CSMD1: variants seen among roughly 807,000 people sequenced by gnomAD.
The protein encoded by CSMD1 is CUB and sushi domain-containing protein 1.
CSMD1 carries 213 observed loss-of-function variants against 417.5 expected under a neutral mutation model. That is an observed-to-expected ratio of 0.51 (90% CI 0.46 to 0.57). CSMD1 has a LOEUF of 0.57. Among genes scored for constraint, CSMD1 ranks in the 20% least tolerant of loss-of-function variants. The pLI is 0.00. For missense variants in CSMD1, 6,923 were observed against 4,529.7 expected, an observed-to-expected ratio of 1.53 and a Z score of -15.17; for synonymous variants, 2,862 against 1,736.8, an observed-to-expected ratio of 1.65 and a Z score of -16.11.
At chr8:4,085,000 G>A (rs1437983039) in intron 3 of CSMD1, among the ~76,000 whole-genome samples, 4 of 150,374 alleles carry the variant, frequency 2.7e-5, no homozygotes, top group East Asian at 1.9e-4. Context: ...GCGTGACAGG[G>A]AATTTAGATT....
chr8:4,437,652 G>A (rs1798222421), intron 2 of CSMD1, among the ~76,000 whole-genome samples: 1 of 152,140 alleles, frequency 6.6e-6, no homozygotes, highest in Non-Finnish European at 1.5e-5. Flanking sequence ...GTCACACAAA[G>A]GAGTTCGTAG....
intron 2 of CSMD1, among the ~76,000 whole-genome samples, chr8:4,445,680 G>T (rs1011143716): frequency 4.6e-5 from 7 of 152,148 alleles, no homozygotes; most frequent in African/African-American, 1.4e-4. Flanking sequence ...ACATTACATT[G>T]TCACTTTCCC....
chr8:4,322,532 C>G (rs897292637), intron 3 of CSMD1, among the ~76,000 whole-genome samples: 1 of 152,092 alleles, frequency 6.6e-6, no homozygotes, highest in Non-Finnish European at 1.5e-5. Context: ...AAAAACATAA[C>G]ATTTGAGGTA....
chr8:3,962,905 C>G (rs1228699520), intron 5 of CSMD1, among the ~76,000 whole-genome samples: 2 of 152,082 alleles, frequency 1.3e-5, no homozygotes, highest in Admixed American at 6.6e-5. Flanking sequence ...ATCATTATGT[C>G]TATTTTTTCC....
At chr8:4,161,184 G>A (rs1797137513) in intron 3 of CSMD1, among the ~76,000 whole-genome samples, 1 of 151,786 alleles carries the variant, frequency 6.6e-6, no homozygotes, top group Admixed American at 6.6e-5. Context: ...TACTTGCAAT[G>A]TGCTACTTCC....
intron 27 of CSMD1, among the ~76,000 whole-genome samples, chr8:3,228,488 C>T (rs1232064632): frequency 3.3e-5 from 5 of 152,190 alleles, no homozygotes; most frequent in African/African-American, 9.6e-5. Flanking sequence ...GATTATTCAT[C>T]TGCCTGCAAG....
chr8:3,488,405 G>A (rs191390319), intron 11 of CSMD1, among the ~76,000 whole-genome samples: 1 of 152,094 alleles, frequency 6.6e-6, no homozygotes, highest in Non-Finnish European at 1.5e-5. Context: ...AGCATGCCTG[G>A]CCAATAACAT....
At chr8:3,792,146 T>TA (rs1373237877) in intron 5 of CSMD1, among the ~76,000 whole-genome samples, 5 of 152,046 alleles carry the variant, frequency 3.3e-5, no homozygotes, top group Non-Finnish European at 5.9e-5. Context: ...GTTGAACAAT[T>TA]AGCCAGGTGT....
chr8:3,617,220 G>C (rs754818725), intron 7 of CSMD1, among the ~76,000 whole-genome samples: 2 of 152,088 alleles, frequency 1.3e-5, no homozygotes, highest in Non-Finnish European at 1.5e-5. Flanking sequence ...CTATACAAAA[G>C]ATACTTTAAA....
chr8:3,689,216 C>T (rs938564751), intron 7 of CSMD1, among the ~76,000 whole-genome samples: 2 of 152,178 alleles, frequency 1.3e-5, no homozygotes, highest in Non-Finnish European at 2.9e-5. Context: ...CTACACACCT[C>T]CCCACCTTCT....
intron 10 of CSMD1, among the ~76,000 whole-genome samples, chr8:3,533,678 C>A (rs940207595): frequency 1.3e-5 from 2 of 152,188 alleles, no homozygotes; most frequent in Non-Finnish European, 2.9e-5. Flanking sequence ...ACTCCACTAA[C>A]ACTTATTTCA....
At chr8:3,911,668 T>C (rs1056160917) in intron 5 of CSMD1, among the ~76,000 whole-genome samples, 2 of 152,268 alleles carry the variant, frequency 1.3e-5, no homozygotes, top group South Asian at 2.1e-4. Context: ...TCACATGTCA[T>C]TGCTTGTCGG....
chr8:4,220,798 G>A (rs771303331), intron 3 of CSMD1, among the ~76,000 whole-genome samples: 6 of 152,178 alleles, frequency 3.9e-5, no homozygotes, highest in African/African-American at 7.2e-5. Flanking sequence ...ATAACGCACC[G>A]AACGCAGCTC....
chr8:4,837,714 T>C (rs978338095), intron 1 of CSMD1, among the ~76,000 whole-genome samples: 1 of 152,140 alleles, frequency 6.6e-6, no homozygotes, highest in African/African-American at 2.4e-5. Context: ...ACGGTGACTA[T>C]AGTCAGTAAT....
At chr8:4,127,204 G>T (rs572801148) in intron 3 of CSMD1, among the ~76,000 whole-genome samples, 1 of 151,820 alleles carries the variant, frequency 6.6e-6, no homozygotes, top group South Asian at 2.1e-4. Flanking sequence ...GTGGCTGTCC[G>T]GCCCCCTCCA....
intron 1 of CSMD1, among the ~76,000 whole-genome samples, chr8:4,663,240 G>C (rs1415152597): frequency 1.3e-5 from 2 of 152,180 alleles, no homozygotes; most frequent in African/African-American, 4.8e-5. Flanking sequence ...TTTTACTGCT[G>C]ACTTTTCATT....
At chr8:3,671,485 ATATATATG>A (rs1187278542) in intron 7 of CSMD1, among the ~76,000 whole-genome samples, 2 of 36,074 alleles carry the variant, frequency 5.5e-5, no homozygotes, top group Non-Finnish European at 1.0e-4. Context: ...ATATATACTC[ATATATATG>A]ATCATATATA....
intron 3 of CSMD1, among the ~76,000 whole-genome samples, chr8:4,183,114 T>C (rs1303622892): frequency 1.3e-5 from 2 of 152,198 alleles, no homozygotes; most frequent in Non-Finnish European, 2.9e-5. Flanking sequence ...AGAGATCATC[T>C]TTATGCAGTG....
chr8:4,191,971 G>C (rs190815038), intron 3 of CSMD1, among the ~76,000 whole-genome samples: 2 of 152,302 alleles, frequency 1.3e-5, no homozygotes, highest in East Asian at 3.9e-4. Context: ...AACACCCGTA[G>C]AGGAACACGT....
Sources: allele counts gnomAD v4.1 joint callset (sites outside exome capture counted in the v4.1 genomes callset), GRCh38; gene constraint gnomAD v4.1.1; transcripts MANE v1.5; gene names NCBI Gene and HGNC (gene_info 2026-07-23, HGNC 2026-07-21).